ANK3: variants seen among roughly 807,000 people sequenced by gnomAD.
ANK3 encodes ankyrin-3.
In ANK3, 57 loss-of-function variants were observed where a neutral mutation model predicts 370.9. The ratio of observed to expected loss-of-function variants is 0.15; its 90% confidence interval spans 0.12 to 0.19. The LOEUF is 0.19. Among genes scored for constraint, ANK3 ranks in the 10% least tolerant of loss-of-function variants. The pLI is 1.00. For missense variants in ANK3, 4,439 were observed against 5,302.1 expected (o/e 0.84, Z 5.06); for synonymous variants, 1,929 against 1,946.3 (o/e 0.99, Z 0.23).
chr10:60,639,864 G>C (rs577583799), intron 1 of ANK3, among the ~76,000 whole-genome samples: 1 of 151,986 alleles, frequency 6.6e-6, no homozygotes, highest in South Asian at 2.1e-4. Context: ...AATCATATCA[G>C]TAATTACATT....
chr10:60,130,981 T>A (rs934901714), intron 25 of ANK3, among the ~76,000 whole-genome samples: 1 of 152,242 alleles, frequency 6.6e-6, no homozygotes, highest in Non-Finnish European at 1.5e-5. Flanking sequence ...GATTCAACAA[T>A]TAACATTGCT....
intron 1 of ANK3, among the ~76,000 whole-genome samples, chr10:60,350,231 G>A (rs575521640): frequency 1.3e-5 from 2 of 152,184 alleles, no homozygotes; most frequent in Non-Finnish European, 2.9e-5. Flanking sequence ...AATAAATGTA[G>A]GCTAGCTAAT....
intron 2 of ANK3, among the ~76,000 whole-genome samples, chr10:60,480,695 GC>G (rs2133100282): frequency 6.6e-6 from 1 of 152,248 alleles, no homozygotes; most frequent in East Asian, 1.9e-4. Flanking sequence ...GGGCTCCCTG[GC>G]CAACCAACTT....
intron 1 of ANK3, among the ~76,000 whole-genome samples, chr10:60,633,256 C>T (rs1400243075): frequency 1.3e-5 from 2 of 152,074 alleles, no homozygotes; most frequent in African/African-American, 2.4e-5. Flanking sequence ...AAGCTTAAGA[C>T]ATTTTATTGC....
chr10:60,690,251 C>G (rs1336868016), intron 1 of ANK3, among the ~76,000 whole-genome samples: 1 of 152,062 alleles, frequency 6.6e-6, no homozygotes, highest in Non-Finnish European at 1.5e-5. Context: ...GGGTGCAGCC[C>G]AAGGAGGGCG....
At position 60,071,029 on chromosome 10, in the gene ANK3, G is replaced by A. The variant is rs371342823; in HGVS notation, c.9852C>T (p.Val3284=). 51 of 1,614,022 alleles carry A rather than the reference G, an allele frequency of 3.2e-5. No individual in the cohort carries two copies. The highest frequency in any genetic ancestry group is 3.8e-5 in the Non-Finnish European group (45 of 1,180,022). Reference sequence around the variant, plus strand: ...ACTTGTCATGCTCATCTTGCAGATTGACTTCAATCATGTCAACCTCTTTTT... The same window carrying A: ...ACTTGTCATGCTCATCTTGCAGATTAACTTCAATCATGTCAACCTCTTTTT... ...LPEKEVDMIE[V]NLQDEHDKYQ... Residue 3284 remains valine, a synonymous_variant, in exon 37 of 44, where the codon GTC becomes GTT. Transcript: ENST00000280772.
Position 60,381,788 on chromosome 10 carries a change from C to T in ANK3, c.114+7637G>A, listed in dbSNP as rs1008523936. 3.3e-5 allele frequency among the ~76,000 whole-genome samples: 5 copies of T among 152,076 alleles called. No homozygotes were observed. The East Asian group carries it at 7.7e-4, about 23-fold the overall frequency. On this transcript the variant is annotated intron_variant, in intron 1 of 43. Coordinates refer to ENST00000280772, the MANE Select transcript of ANK3 (RefSeq NM_020987.5). Reference sequence around the variant, plus strand: ...TGTATGTAAAGAAAAAATAGTATCCCTATTTGATCAATGTGCAAACTGAGG... The same window carrying T: ...TGTATGTAAAGAAAAAATAGTATCCTTATTTGATCAATGTGCAAACTGAGG...
intron 2 of ANK3, among the ~76,000 whole-genome samples, chr10:60,416,046 T>TA (rs111783425): frequency 4.0e-5 from 6 of 148,494 alleles, no homozygotes; most frequent in South Asian, 2.2e-4. Flanking sequence ...GTGTCCCTAT[T>TA]AAAAAAAAAT....
At chr10:60,328,841 T>G (rs753556571) in intron 1 of ANK3, among the ~76,000 whole-genome samples, 3 of 152,106 alleles carry the variant, frequency 2.0e-5, no homozygotes, top group Non-Finnish European at 4.4e-5. Flanking sequence ...AAAAGAAAAT[T>G]TCAGGCCAAT....
At chr10:60,068,554 G>A (rs746980121) in intron 37 of ANK3, 83 bp downstream of exon 37, 114 of 1,413,398 alleles carry the variant, frequency 8.1e-5, no homozygotes, top group Non-Finnish European at 9.7e-5. Flanking sequence ...TAGGGTCTAC[G>A]AGTTGGAAAG....
rs74971845 is a variant in ANK3 at position 60,478,427 on chromosome 10, A to T, written c.96+136759T>A. On this transcript the variant is annotated intron_variant, in intron 2 of 43. Transcript: ENST00000373827. ...CAAAAACTGAATGGAATGAAGAATG[A>T]CTAATGGAACTTTGTGAAATTACCA... 5.9e-3 allele frequency among the ~76,000 whole-genome samples: 898 copies of T among 152,242 alleles called. 6 individuals carry two copies. Among genetic ancestry groups the T allele is most frequent in the Middle Eastern group, 0.027 (8 of 294 alleles).
chr10:60,458,657 G>C (rs1352191273), intron 2 of ANK3, among the ~76,000 whole-genome samples: 1 of 152,128 alleles, frequency 6.6e-6, no homozygotes, highest in East Asian at 1.9e-4. Flanking sequence ...GACTAGATGA[G>C]AGAAAGGGAA....
At chr10:60,384,106 A>T (rs187795153) in intron 1 of ANK3, among the ~76,000 whole-genome samples, 1 of 152,138 alleles carries the variant, frequency 6.6e-6, no homozygotes, top group Non-Finnish European at 1.5e-5. Context: ...TACCTACAAA[A>T]ATGGAGATGA....
intron 1 of ANK3, among the ~76,000 whole-genome samples, chr10:60,704,460 CA>C (rs1332181045): frequency 2.0e-5 from 3 of 150,702 alleles, no homozygotes; most frequent in Admixed American, 6.6e-5. Flanking sequence ...TGTAATTACA[CA>C]AAAAAACAAG....
At chr10:60,606,446 T>A (rs975023894) in intron 2 of ANK3, among the ~76,000 whole-genome samples, 5 of 152,196 alleles carry the variant, frequency 3.3e-5, no homozygotes, top group Admixed American at 2.0e-4. Flanking sequence ...ATATTATGTT[T>A]TCATTTTAAA....
chr10:60,046,867 C>T (rs1387851147), intron 42 of ANK3, among the ~76,000 whole-genome samples: 7 of 145,046 alleles, frequency 4.8e-5, no homozygotes, highest in African/African-American at 1.3e-4. Context: ...AGTGCAGTGG[C>T]GCGATCTTGG....
intron 2 of ANK3, among the ~76,000 whole-genome samples, chr10:60,492,731 AAGAAAG>A (rs2075548974): frequency 7.0e-6 from 1 of 141,894 alleles, no homozygotes. Flanking sequence ...AAAAGAAAGA[AAGAAAG>A]AAAAAAAAAA....
chr10:60,354,164 C>G (rs770846432), intron 1 of ANK3, among the ~76,000 whole-genome samples: 1 of 152,278 alleles, frequency 6.6e-6, no homozygotes, highest in East Asian at 1.9e-4. Flanking sequence ...GAAAATCAAG[C>G]CTTAGAGTTT....
At chr10:60,525,409 T>A (rs2076445247) in intron 2 of ANK3, among the ~76,000 whole-genome samples, 1 of 152,124 alleles carries the variant, frequency 6.6e-6, no homozygotes, top group Non-Finnish European at 1.5e-5. Flanking sequence ...ACACATGTTG[T>A]TTCAATAATA....
Sources: gnomAD v4.1 joint callset for allele counts (sites outside exome capture counted in the v4.1 genomes callset) on GRCh38, gnomAD v4.1.1 for gene constraint, MANE v1.5 for transcripts, NCBI Gene and HGNC (gene_info 2026-07-23, HGNC 2026-07-21) for gene names.